Variants in DLG1 observed in about 807,000 individuals in gnomAD.
DLG1 encodes discs large MAGUK scaffold protein 1, also known as disks large homolog 1.
A neutral mutation model predicts 123.4 loss-of-function variants in DLG1; 42 were observed. The observed-to-expected ratio is 0.34, with a 90% CI of 0.27 to 0.44. DLG1 has a LOEUF of 0.44. DLG1 is among the 20% of genes least tolerant of loss of function. The pLI is 1.00. For synonymous variants in DLG1, 317 were observed against 356.2 expected, an observed-to-expected ratio of 0.89 and a Z score of 1.24; for missense variants, 942 against 1,082.6, an observed-to-expected ratio of 0.87 and a Z score of 1.82.
At chr3:197,293,531 T>C (rs1336949452) in intron 3 of DLG1, among the ~76,000 whole-genome samples, 3 of 152,114 alleles carry the variant, frequency 2.0e-5, no homozygotes, top group Non-Finnish European at 4.4e-5. Context: ...AGAACAAATA[T>C]AATACAGTAC....
At chr3:197,265,596 T>C (rs1324528065) in intron 4 of DLG1, among the ~76,000 whole-genome samples, 1 of 152,106 alleles carries the variant, frequency 6.6e-6, no homozygotes, top group Non-Finnish European at 1.5e-5. Context: ...TTTTGATCAG[T>C]ACATGCATGT....
intron 18 of DLG1, among the ~76,000 whole-genome samples, chr3:197,074,360 C>A (rs1745923999): frequency 6.6e-6 from 1 of 152,140 alleles, no homozygotes; most frequent in African/African-American, 2.4e-5. Context: ...CATATTATTT[C>A]TCTTCCAAAG....
intron 4 of DLG1, among the ~76,000 whole-genome samples, chr3:197,197,395 A>G (rs1327105623): frequency 3.9e-5 from 6 of 152,216 alleles, no homozygotes. Flanking sequence ...AACTAATTCT[A>G]TATTTATTTT....
intron 23 of DLG1, among the ~76,000 whole-genome samples, chr3:197,056,080 C>T (rs1731477385): frequency 6.6e-6 from 1 of 152,180 alleles, no homozygotes; most frequent in African/African-American, 2.4e-5. Flanking sequence ...CTGAAATTAA[C>T]CTTTCAAACC....
chr3:197,216,363 G>A (rs1388824961), intron 4 of DLG1, among the ~76,000 whole-genome samples: 1 of 152,082 alleles, frequency 6.6e-6, no homozygotes, highest in Non-Finnish European at 1.5e-5. Flanking sequence ...TTGCTGGCAG[G>A]ACTTATGAGA....
chr3:197,213,818 T>C (rs922243503), intron 4 of DLG1, among the ~76,000 whole-genome samples: 1 of 152,208 alleles, frequency 6.6e-6, no homozygotes, highest in African/African-American at 2.4e-5. Flanking sequence ...GCAATCAAAA[T>C]ATCAATACAG....
In DLG1 at chr3:197,163,928, T is replaced by C. The variant is rs189042836; in HGVS notation, c.484-14132A>G. Among the ~76,000 whole-genome samples, 5 of 152,220 alleles carry C rather than the reference T, an allele frequency of 3.3e-5. 1 individual carries two copies. The highest frequency in any genetic ancestry group is 3.3e-4 in the Admixed American group (5 of 15,304). On this transcript the variant is annotated intron_variant, in intron 5 of 24. Coordinates refer to ENST00000667157, the MANE Select transcript of DLG1 (RefSeq NM_001366207.1). ...CAGACACAAAAGGATAAATATTGCA[T>C]GATTCCACTTAAAAGACTAGTAAGT...
At chr3:197,298,010 T>C (rs376862464) in intron 1 of DLG1, 4 of 828,110 alleles carry the variant, frequency 4.8e-6, no homozygotes, top group South Asian at 1.1e-4. Flanking sequence ...GCCTCCTCGC[T>C]CGCCGCGGCC....
At chr3:197,215,214 G>A (rs2971441) in intron 4 of DLG1, among the ~76,000 whole-genome samples, 88,022 of 151,892 alleles carry the variant, frequency 0.58, 25,847 homozygotes, top group East Asian at 0.8. Context: ...GGTTAGACAG[G>A]CTGATGACTG....
intron 10 of DLG1, among the ~76,000 whole-genome samples, chr3:197,132,544 C>A (rs916238143): frequency 7.9e-5 from 12 of 152,126 alleles, no homozygotes; most frequent in African/African-American, 2.9e-4. Flanking sequence ...CATTACCATG[C>A]AAAGCAAGGA....
intron 4 of DLG1, among the ~76,000 whole-genome samples, chr3:197,203,527 G>GA (rs978027718): frequency 1.1e-4 from 17 of 148,460 alleles, no homozygotes; most frequent in South Asian, 4.4e-4. Context: ...CCCCAAAAAA[G>GA]AAAAAAAAAC....
chr3:197,260,101 G>A (rs1758687459), intron 4 of DLG1, among the ~76,000 whole-genome samples: 1 of 152,068 alleles, frequency 6.6e-6, no homozygotes, highest in African/African-American at 2.4e-5. Context: ...TCAAAATACC[G>A]CCCTTTCTAA....
At chr3:197,147,667 G>A (rs574744926) in intron 6 of DLG1, among the ~76,000 whole-genome samples, 3 of 152,140 alleles carry the variant, frequency 2.0e-5, no homozygotes, top group Admixed American at 6.5e-5. Flanking sequence ...TTGGGGACTC[G>A]GGAAAGCGTG....
rs534878202 is a variant in DLG1, at chr3:197,196,960, G to C, written c.319-2371C>G. On this transcript the variant is annotated intron_variant, in intron 4 of 24. Transcript: ENST00000667157. ...TGTGTATCCATGCTTATGAATGTACGTATGTAATTTGGAGGGAAGTGAAAG... is the reference window on the plus strand; with the variant it reads ...TGTGTATCCATGCTTATGAATGTACCTATGTAATTTGGAGGGAAGTGAAAG... Among the ~76,000 whole-genome samples the C allele has an allele frequency of 2.6e-5, 4 of 152,232 alleles. 1 individual carries two copies. In the South Asian group the frequency reaches 8.3e-4, roughly 32 times the overall value.
chr3:197,104,559 G>A (rs1765280888), intron 14 of DLG1, among the ~76,000 whole-genome samples: 1 of 152,122 alleles, frequency 6.6e-6, no homozygotes, highest in African/African-American at 2.4e-5. Flanking sequence ...GTGCATGCCT[G>A]TAATCCCAGT....
intron 11 of DLG1, among the ~76,000 whole-genome samples, chr3:197,129,273 C>G (rs926044058): frequency 1.3e-5 from 2 of 152,214 alleles, no homozygotes; most frequent in Non-Finnish European, 2.9e-5. Flanking sequence ...TACAGCAGCA[C>G]TTGCTGCTTT....
At chr3:197,250,475 A>G (rs180720682) in intron 4 of DLG1, among the ~76,000 whole-genome samples, 420 of 151,902 alleles carry the variant, frequency 2.8e-3, no homozygotes, top group Non-Finnish European at 4.6e-3. Context: ...AGGCTGAGGC[A>G]GGGGAATCAG....
intron 13 of DLG1, among the ~76,000 whole-genome samples, chr3:197,113,017 G>A (rs942672339): frequency 4.6e-5 from 7 of 152,120 alleles, no homozygotes; most frequent in Non-Finnish European, 1.0e-4. Flanking sequence ...GAAGATTATG[G>A]TTCTGAGTTT....
intron 13 of DLG1, among the ~76,000 whole-genome samples, chr3:197,114,779 GAGACCATCCTGGTTA>G (rs1560773273): frequency 6.6e-6 from 1 of 151,990 alleles, no homozygotes; most frequent in African/African-American, 2.4e-5. Flanking sequence ...TCAGGAGATC[GAGACCATCCTGGTTA>G]ACAAGGTGAA....
Sources: gnomAD v4.1 joint callset for allele counts (sites outside exome capture counted in the v4.1 genomes callset) on GRCh38, gnomAD v4.1.1 for gene constraint, MANE v1.5 for transcripts, NCBI Gene and HGNC (gene_info 2026-07-23, HGNC 2026-07-21) for gene names.